IGSF11: variants seen among roughly 807,000 people sequenced by gnomAD.
IGSF11 encodes CXADR like 1.
Under a neutral mutation model 41.0 loss-of-function variants are expected in IGSF11, and 22 were observed. The observed-to-expected ratio is 0.54, with a 90% CI of 0.38 to 0.77. The LOEUF (loss-of-function observed/expected upper bound fraction) is 0.77, where lower values mean the gene tolerates loss of function less well. Among genes scored for constraint, IGSF11 ranks in the 30% least tolerant of loss-of-function variants. The pLI is 0.00. For synonymous variants in IGSF11, 219 were observed against 201.3 expected, an observed-to-expected ratio of 1.09 and a Z score of -0.74; for missense variants, 444 against 530.8, an observed-to-expected ratio of 0.84 and a Z score of 1.61.
chr3:118,959,742 T>C (rs1455618349), intron 1 of IGSF11, among the ~76,000 whole-genome samples: 2 of 152,130 alleles, frequency 1.3e-5, no homozygotes, highest in African/African-American at 4.8e-5. Flanking sequence ...GCTGCTGCTG[T>C]TGTTGGTAAG....
chr3:118,950,691 T>C (rs1944507593), intron 1 of IGSF11, among the ~76,000 whole-genome samples: 1 of 152,016 alleles, frequency 6.6e-6, no homozygotes, highest in African/African-American at 2.4e-5. Flanking sequence ...ATCAAGTTAA[T>C]AATAGGCAAA....
At chr3:119,070,626 G>T (rs1181212612) in intron 1 of IGSF11, among the ~76,000 whole-genome samples, 1 of 151,958 alleles carries the variant, frequency 6.6e-6, no homozygotes, top group East Asian at 1.9e-4. Context: ...TTCCTTCTTT[G>T]TTTTTTGTTG....
chr3:119,040,295 C>G (rs1941071948), intron 1 of IGSF11, among the ~76,000 whole-genome samples: 1 of 152,146 alleles, frequency 6.6e-6, no homozygotes, highest in African/African-American at 2.4e-5. Flanking sequence ...AATTTCATCC[C>G]TAACCAATCA....
intron 1 of IGSF11, among the ~76,000 whole-genome samples, chr3:119,021,997 G>A (rs1169494389): frequency 4.6e-5 from 7 of 152,202 alleles, no homozygotes; most frequent in African/African-American, 1.2e-4. Flanking sequence ...GAGGGGACAT[G>A]GACTCCTTAA....
chr3:119,141,424 A>G (rs552849314), intron 1 of IGSF11, among the ~76,000 whole-genome samples: 1 of 151,658 alleles, frequency 6.6e-6, no homozygotes, highest in East Asian at 1.9e-4. Flanking sequence ...GATTAGAGAG[A>G]TGTTAATATA....
intron 6 of IGSF11, among the ~76,000 whole-genome samples, chr3:118,903,395 T>A (rs970654011): frequency 6.6e-6 from 1 of 152,022 alleles, no homozygotes; most frequent in African/African-American, 2.4e-5. Context: ...TATTCACACA[T>A]AAATATTTAC....
chr3:119,118,972 GC>G (rs2077296527), intron 1 of IGSF11, among the ~76,000 whole-genome samples: 1 of 152,158 alleles, frequency 6.6e-6, no homozygotes, highest in Non-Finnish European at 1.5e-5. Flanking sequence ...GACCATCTCA[GC>G]CTGGATTTCA....
At chr3:118,918,623 G>A (rs1386652644) in intron 4 of IGSF11, among the ~76,000 whole-genome samples, 57 of 130,450 alleles carry the variant, frequency 4.4e-4, no homozygotes, top group Non-Finnish European at 1.4e-4. Context: ...ACAAACAAAT[G>A]GAAGAACATT....
At chr3:119,040,234 GC>G (rs1275614563) in intron 1 of IGSF11, among the ~76,000 whole-genome samples, 1 of 151,980 alleles carries the variant, frequency 6.6e-6, no homozygotes, top group Non-Finnish European at 1.5e-5. Context: ...TGATCTTGTG[GC>G]CCCCTCCCAG....
intron 1 of IGSF11, among the ~76,000 whole-genome samples, chr3:119,054,244 G>C (rs572207164): frequency 6.6e-6 from 1 of 152,236 alleles, no homozygotes; most frequent in African/African-American, 2.4e-5. Flanking sequence ...CAGAGGGGGA[G>C]AAAAATCTTC....
At chr3:118,910,126 C>T (rs1393602245) in intron 4 of IGSF11, among the ~76,000 whole-genome samples, 2 of 152,192 alleles carry the variant, frequency 1.3e-5, no homozygotes, top group African/African-American at 4.8e-5. Context: ...TTTAACTGGA[C>T]ATCAAGATTC....
chr3:119,071,300 C>T (rs1384817353), intron 1 of IGSF11, among the ~76,000 whole-genome samples: 1 of 152,004 alleles, frequency 6.6e-6, no homozygotes, highest in African/African-American at 2.4e-5. Context: ...TAATACTGTC[C>T]CTTCATGCAC....
chr3:118,989,182 G>A lies in IGSF11; in HGVS notation c.52+45349C>T, dbSNP rs529090066. On this transcript the variant is annotated intron_variant, in intron 1 of 6. Transcript: ENST00000393775. Reference sequence around the variant, plus strand: ...ACACAACCCTTGTCTAGTGAGGAAAGCAAGAGCAAATACACAAGCAAAGGA... The same window carrying A: ...ACACAACCCTTGTCTAGTGAGGAAAACAAGAGCAAATACACAAGCAAAGGA... Among the ~76,000 whole-genome samples the A allele has an allele frequency of 3.1e-4, 47 of 152,314 alleles. No homozygotes were observed. In the South Asian group the frequency reaches 3.5e-3, roughly 11 times the overall value.
chr3:118,977,862 C>G (rs1238754413), intron 1 of IGSF11, among the ~76,000 whole-genome samples: 1 of 152,192 alleles, frequency 6.6e-6, no homozygotes, highest in African/African-American at 2.4e-5. Context: ...TTTTAAGAGC[C>G]TAGCCCACAA....
chr3:118,919,499 A>AT (rs1941523476), intron 4 of IGSF11, among the ~76,000 whole-genome samples: 1 of 127,104 alleles, frequency 7.9e-6, no homozygotes, highest in Admixed American at 8.2e-5. Flanking sequence ...GCCAAAAGAC[A>AT]CATGAAAAAA....
chr3:118,914,548 C>A (rs573556619), intron 4 of IGSF11, among the ~76,000 whole-genome samples: 1 of 151,392 alleles, frequency 6.6e-6, no homozygotes, highest in Non-Finnish European at 1.5e-5. Flanking sequence ...CTTTTCAGAC[C>A]GGCTTAAAAA....
intron 1 of IGSF11, among the ~76,000 whole-genome samples, chr3:119,090,936 C>A (rs377192291): frequency 6.6e-6 from 1 of 152,088 alleles, no homozygotes; most frequent in South Asian, 2.1e-4. Context: ...AGATGGCCTA[C>A]AGAATGGGAG....
At chr3:119,082,136 T>C (rs2076595462) in intron 1 of IGSF11, among the ~76,000 whole-genome samples, 1 of 152,220 alleles carries the variant, frequency 6.6e-6, no homozygotes, top group Non-Finnish European at 1.5e-5. Context: ...CTTGTAATTA[T>C]TTATATTCAC....
At chr3:118,950,265 T>C (rs1176945603) in intron 1 of IGSF11, among the ~76,000 whole-genome samples, 1 of 152,162 alleles carries the variant, frequency 6.6e-6, no homozygotes, top group Non-Finnish European at 1.5e-5. Context: ...CCCTAAGGGA[T>C]CTGATCCGTT....
Sources: allele counts gnomAD v4.1 joint callset (sites outside exome capture counted in the v4.1 genomes callset), GRCh38; gene constraint gnomAD v4.1.1; transcripts MANE v1.5; gene names NCBI Gene and HGNC (gene_info 2026-07-23, HGNC 2026-07-21).